The following IQCK variants were observed in gnomAD, a reference collection of about 807,000 sequenced individuals.
IQCK encodes the protein IQ motif containing K.
Under a neutral mutation model 28.1 loss-of-function variants are expected in IQCK, and 29 were observed. That is an observed-to-expected ratio of 1.03 (90% CI 0.77 to 1.41). The LOEUF (loss-of-function observed/expected upper bound fraction) is 1.41, where lower values mean the gene tolerates loss of function less well. Ranked by LOEUF, IQCK falls within the 40% of genes most tolerant of loss-of-function variation. IQCK has a pLI of 0.00. For missense variants in IQCK, 359 were observed against 314.7 expected, an observed-to-expected ratio of 1.14 and a Z score of -1.07; for synonymous variants, 113 against 115.1, an observed-to-expected ratio of 0.98 and a Z score of 0.12.
intron 9 of IQCK, among the ~76,000 whole-genome samples, chr16:19,849,827 T>C (rs1288637751): frequency 6.6e-6 from 1 of 151,836 alleles, no homozygotes; most frequent in South Asian, 2.1e-4. Flanking sequence ...GCAGGGATGA[T>C]TAAATGAAGG....
intron 4 of IQCK, among the ~76,000 whole-genome samples, chr16:19,753,390 C>T (rs1037724109): frequency 1.3e-5 from 2 of 152,120 alleles, no homozygotes; most frequent in Non-Finnish European, 2.9e-5. Flanking sequence ...CATGCCATTA[C>T]ACTCCAGCCT....
intron 7 of IQCK, among the ~76,000 whole-genome samples, chr16:19,819,798 G>A (rs942855512): frequency 1.3e-5 from 2 of 151,978 alleles, no homozygotes; most frequent in Non-Finnish European, 2.9e-5. Context: ...CAGATCACGA[G>A]GTCAGGAAAT....
intron 4 of IQCK, chr16:19,736,084 A>G (rs1467568510): frequency 2.2e-6 from 1 of 454,432 alleles, no homozygotes; most frequent in African/African-American, 2.0e-5. Flanking sequence ...ATCCCACAGA[A>G]CTCTGCTTAC....
intron 4 of IQCK, among the ~76,000 whole-genome samples, chr16:19,745,483 CAA>C (rs2054898273): frequency 6.6e-6 from 1 of 152,240 alleles, no homozygotes; most frequent in East Asian, 1.9e-4. Context: ...GGCCAGTAAA[CAA>C]AGTGGGTTTT....
intron 6 of IQCK, among the ~76,000 whole-genome samples, chr16:19,764,539 T>TA (rs2055199579): frequency 1.3e-5 from 2 of 152,142 alleles, no homozygotes; most frequent in African/African-American, 4.8e-5. Flanking sequence ...AAATTAAAAC[T>TA]ATTTGACCAT....
intron 7 of IQCK, among the ~76,000 whole-genome samples, chr16:19,824,276 A>G (rs2056114266): frequency 6.6e-6 from 1 of 152,202 alleles, no homozygotes; most frequent in East Asian, 1.9e-4. Flanking sequence ...CATAAGGAAC[A>G]TGCAGCCTAG....
intron 1 of IQCK, among the ~76,000 whole-genome samples, chr16:19,720,944 G>A (rs1033053736): frequency 1.3e-5 from 2 of 151,858 alleles, no homozygotes; most frequent in East Asian, 1.9e-4. Context: ...CCTGAGAGGC[G>A]GAGGTTGCAA....
chr16:19,807,508 A>G (rs2055848967), intron 7 of IQCK, among the ~76,000 whole-genome samples: 1 of 152,218 alleles, frequency 6.6e-6, no homozygotes, highest in African/African-American at 2.4e-5. Context: ...TCCAAGAACC[A>G]GTGCTATTAT....
chr16:19,819,748 T>A (rs2056040059), intron 7 of IQCK: 1 of 152,168 alleles, frequency 6.6e-6, no homozygotes, highest in Non-Finnish European at 1.5e-5. Flanking sequence ...GTGCGGTGGC[T>A]CACGCCTGTA....
intron 7 of IQCK, among the ~76,000 whole-genome samples, chr16:19,815,475 A>G (rs2055974008): frequency 2.0e-5 from 3 of 152,074 alleles, no homozygotes; most frequent in African/African-American, 7.2e-5. Flanking sequence ...GCATAGTGAG[A>G]CCCCATCTCT....
At chr16:19,729,436 C>T (rs976521733) in intron 1 of IQCK, among the ~76,000 whole-genome samples, 2 of 151,774 alleles carry the variant, frequency 1.3e-5, no homozygotes, top group African/African-American at 4.8e-5. Context: ...GCCTCTCCTC[C>T]GCATGTGCTC....
intron 2 of IQCK, among the ~76,000 whole-genome samples, chr16:19,730,869 G>A (rs983503324): frequency 6.6e-6 from 1 of 152,058 alleles, no homozygotes; most frequent in Non-Finnish European, 1.5e-5. Flanking sequence ...TAGTAGCTGG[G>A]ACTACAGGCA....
intron 7 of IQCK, among the ~76,000 whole-genome samples, chr16:19,817,594 G>A (rs2056006161): frequency 6.6e-6 from 1 of 152,190 alleles, no homozygotes; most frequent in Non-Finnish European, 1.5e-5. Context: ...CTTCCAGAAT[G>A]ATGAGGAAAT....
intron 4 of IQCK, among the ~76,000 whole-genome samples, chr16:19,743,193 A>AT (rs201126640): frequency 3.9e-5 from 6 of 151,976 alleles, no homozygotes; most frequent in African/African-American, 1.5e-4. Context: ...AAATAAATAA[A>AT]AGTCAGGGCC....
At chr16:19,718,614 CG>C in intron 1 of IQCK, 127 bp downstream of exon 1, 1 of 845,804 alleles carries the variant, frequency 1.2e-6, no homozygotes, top group Non-Finnish European at 1.6e-6. Context: ...TCCGCGGGCC[CG>C]GGCTCCGCAT....
At position 19,799,597 on chromosome 16, in the gene IQCK, T is replaced by TACACAC. The variant is rs529119301; in HGVS notation, c.690+10714_690+10719dup. Among the ~76,000 whole-genome samples the TACACAC allele has an allele frequency of 7.8e-4, 87 of 111,682 alleles. 7 individuals carry two copies. The highest frequency in any genetic ancestry group is 3.3e-3 in the African/African-American group (64 of 19,112). The allele number at this position is 111,682 out of a possible 152,430, so 73.3% of individuals were successfully genotyped here. A position where few individuals can be genotyped will look rare whatever the true frequency, so the allele number is the denominator to read the frequency against. On this transcript the variant is annotated intron_variant, in intron 7 of 7. Coordinates refer to ENST00000564186, the Ensembl canonical transcript of IQCK. ...ATATTTTATTTTATATATATATATATACACACACACACACACACACACACA... is the reference window on the plus strand; with the variant it reads ...ATATTTTATTTTATATATATATATATACACACACACACACACACACACACACACACA...
chr16:19,723,397 C>T (rs1376346502), intron 1 of IQCK, among the ~76,000 whole-genome samples: 6 of 152,174 alleles, frequency 3.9e-5, no homozygotes, highest in Non-Finnish European at 8.8e-5. Flanking sequence ...CCAAATCATC[C>T]TAATGGCAAC....
In IQCK at chr16:19,798,416, C is replaced by CAA. The variant is rs527790164; in HGVS notation, c.690+9499_690+9500dup. On this transcript the variant is annotated intron_variant, in intron 7 of 7. Coordinates refer to ENST00000564186, the Ensembl canonical transcript of IQCK. The stretch of plus-strand genomic sequence containing the variant: ...CTGGCGACAGAGCCAGAGTCCATCA[C>CAA]AAAAAATATATATATATATATATAT... 4.2e-4 allele frequency among the ~76,000 whole-genome samples: 50 copies of CAA among 119,692 alleles called. 5 individuals carry two copies. Among genetic ancestry groups the CAA allele is most frequent in the African/African-American group, 8.6e-4 (12 of 13,886 alleles). 78.5% of individuals were successfully genotyped at this position (119,692 alleles called of 152,430 possible). A position where few individuals can be genotyped will look rare whatever the true frequency, so the allele number is the denominator to read the frequency against.
intron 4 of IQCK, chr16:19,761,306 TC>T (rs1259331564): frequency 2.3e-6 from 1 of 443,470 alleles, no homozygotes; most frequent in African/African-American, 2.0e-5. Context: ...CCCCTAATGT[TC>T]TTTTTTTCCC....
Sources: allele counts gnomAD v4.1 joint callset (sites outside exome capture counted in the v4.1 genomes callset), GRCh38; gene constraint gnomAD v4.1.1; transcripts MANE v1.5; gene names NCBI Gene and HGNC (gene_info 2026-07-23, HGNC 2026-07-21).